Variants in TSC22D2 observed in about 807,000 individuals in gnomAD.
The protein encoded by TSC22D2 is TSC22 domain family protein 2.
A neutral mutation model predicts 50.1 loss-of-function variants in TSC22D2; 5 were observed. The observed-to-expected ratio is 0.10, with a 90% CI of 0.05 to 0.21. The LOEUF (loss-of-function observed/expected upper bound fraction) is 0.21. Among genes scored for constraint, TSC22D2 ranks in the 10% least tolerant of loss-of-function variants. The pLI is 1.00. For missense variants in TSC22D2, 1,003 were observed against 1,015.5 expected (o/e 0.99, Z 0.17); for synonymous variants, 501 against 450.1 (o/e 1.11, Z -1.43).
rs553046765 is a variant in TSC22D2 at position 150,431,761 on chromosome 3, T to A, written c.1958+20453T>A. On this transcript the variant is annotated intron_variant, in intron 1 of 2. Transcript: ENST00000688009. ...GGGGAGGTCTTTTATTGCTCAGAGT[T>A]GGGTGGTGGGTGGCAAGAGTAGGAG... is the stretch of plus-strand genomic sequence containing the variant. 2.2e-4 allele frequency among the ~76,000 whole-genome samples: 33 copies of A among 152,272 alleles called. 1 individual carries two copies. Among genetic ancestry groups the A allele is most frequent in the Middle Eastern group, 3.4e-3 (1 of 294 alleles).
At chr3:150,444,975 ATAT>A (rs1720832307) in intron 1 of TSC22D2, among the ~76,000 whole-genome samples, 1 of 152,154 alleles carries the variant, frequency 6.6e-6, no homozygotes, top group Non-Finnish European at 1.5e-5. Flanking sequence ...GCTTTTAGTA[ATAT>A]TTATTGTTGA....
intron 1 of TSC22D2, among the ~76,000 whole-genome samples, chr3:150,435,690 A>T (rs1720516777): frequency 6.6e-6 from 1 of 152,208 alleles, no homozygotes; most frequent in African/African-American, 2.4e-5. Flanking sequence ...TAAAAAACCA[A>T]GTTCCTTTAG....
chr3:150,423,212 G>A (rs1720072616), intron 1 of TSC22D2: 2 of 892,916 alleles, frequency 2.2e-6, no homozygotes, highest in East Asian at 5.6e-5. Flanking sequence ...ACTGATCTTT[G>A]TTATTTTAGG....
Position 150,461,612 on chromosome 3 carries a change from A to T in TSC22D2, c.*2976A>T, listed in dbSNP as rs1721402382. 6.6e-6 allele frequency: 1 copy of T among 152,214 alleles called. No individual in the cohort carries two copies. Among genetic ancestry groups the T allele is most frequent in the South Asian group, 2.1e-4 (1 of 4,828 alleles). 9.4% of individuals were successfully genotyped at this position (152,214 alleles called of 1,614,324 possible). A position where few individuals can be genotyped will look rare whatever the true frequency, so the allele number is the denominator to read the frequency against. Reference sequence around the variant, plus strand: ...CTCACAGCTTGCCACACCAAAAACAAATAGTAGGGGTTAGGAGGCATTAAA... The same window carrying T: ...CTCACAGCTTGCCACACCAAAAACATATAGTAGGGGTTAGGAGGCATTAAA... On this transcript the variant is annotated 3_prime_UTR_variant, in exon 3 of 3. Transcript: ENST00000688009.
At chr3:150,439,984 A>G (rs566318679) in intron 1 of TSC22D2, among the ~76,000 whole-genome samples, 8 of 152,292 alleles carry the variant, frequency 5.3e-5, no homozygotes, top group African/African-American at 1.4e-4. Context: ...TGTTTTGGCT[A>G]TTGAGTGTCA....
rs34952294 is a variant in TSC22D2, at chr3:150,459,826, TAA to T, written c.*1209_*1210del. 0.087 allele frequency: 11,963 copies of T among 138,096 alleles called. 600 individuals are homozygous for T. The highest frequency in any genetic ancestry group is 0.13 in the African/African-American group (4,724 of 37,624). The allele number at this position is 138,096 out of a possible 1,614,324, so 8.6% of individuals were successfully genotyped here. On this transcript the variant is annotated 3_prime_UTR_variant, in exon 3 of 3. Coordinates refer to ENST00000688009, the MANE Select transcript of TSC22D2 (RefSeq NM_001303264.2). ...GAGCTAGTGTACAATACACTAGTTGTAAAAAAAAAAAAAAAAAAAAGTGAGCC... is the reference window on the plus strand; with the variant it reads ...GAGCTAGTGTACAATACACTAGTTGTAAAAAAAAAAAAAAAAAAGTGAGCC...
At chr3:150,439,802 T>TA (rs1307548030) in intron 1 of TSC22D2, among the ~76,000 whole-genome samples, 4 of 152,224 alleles carry the variant, frequency 2.6e-5, no homozygotes, top group Non-Finnish European at 5.9e-5. Flanking sequence ...AAGAAATTTC[T>TA]AATGAGAACA....
chr3:150,444,271 A>T (rs890903753), intron 1 of TSC22D2, among the ~76,000 whole-genome samples: 15 of 152,210 alleles, frequency 9.9e-5, no homozygotes, highest in African/African-American at 3.6e-4. Flanking sequence ...TCCTGGCATG[A>T]TGAGCTCAAT....
chr3:150,435,069 C>T (rs1203238450), intron 1 of TSC22D2, among the ~76,000 whole-genome samples: 1 of 152,096 alleles, frequency 6.6e-6, no homozygotes, highest in Non-Finnish European at 1.5e-5. Flanking sequence ...CCTCTGCCTC[C>T]CGGGTTCAAG....
At chr3:150,439,673 AT>A (rs199832428) in intron 1 of TSC22D2, among the ~76,000 whole-genome samples, 4 of 151,300 alleles carry the variant, frequency 2.6e-5, no homozygotes, top group Non-Finnish European at 4.4e-5. Flanking sequence ...CATTTGTCAG[AT>A]TTTTTTTTCA....
At chr3:150,425,379 G>A (rs531691163) in intron 1 of TSC22D2, among the ~76,000 whole-genome samples, 13 of 152,208 alleles carry the variant, frequency 8.5e-5, no homozygotes, top group African/African-American at 3.1e-4. Flanking sequence ...ACAAAAATTA[G>A]CTGGGTATGG....
rs923832992 is a variant in TSC22D2 at position 150,459,972 on chromosome 3, GTATT to G, written c.*1339_*1342del. On this transcript the variant is annotated 3_prime_UTR_variant, in exon 3 of 3. Transcript: ENST00000688009. ...GCAGATTAAGTGCAGTGTATACTGAGTATTTAAATTAAAATGTACATTTCATAAA... is the reference window on the plus strand; with the variant it reads ...GCAGATTAAGTGCAGTGTATACTGAGTAAATTAAAATGTACATTTCATAAA... The G allele has an allele frequency of 6.6e-6, 1 of 151,980 alleles. No individual in the cohort carries two copies. The highest frequency in any genetic ancestry group is 6.6e-5 in the Admixed American group (1 of 15,244). 9.4% of individuals were successfully genotyped at this position (151,980 alleles called of 1,614,324 possible).
chr3:150,457,307 T>G (rs559729855), intron 2 of TSC22D2, among the ~76,000 whole-genome samples, 180 bp downstream of exon 2: 1 of 152,286 alleles, frequency 6.6e-6, no homozygotes, highest in East Asian at 1.9e-4. Context: ...CTAGAAATAC[T>G]ATTTAAGTAG....
intron 1 of TSC22D2, among the ~76,000 whole-genome samples, chr3:150,455,220 A>G (rs1026127597): frequency 6.6e-6 from 1 of 152,204 alleles, no homozygotes; most frequent in African/African-American, 2.4e-5. Flanking sequence ...AAATGTGTTC[A>G]GTATTTGTGG....
At chr3:150,413,578 G>A (rs1374420875) in intron 1 of TSC22D2, among the ~76,000 whole-genome samples, 1 of 138,886 alleles carries the variant, frequency 7.2e-6, no homozygotes, top group African/African-American at 2.7e-5. Flanking sequence ...TTTTTTAATA[G>A]AAAGCTTTGG....
In TSC22D2 at chr3:150,463,834, A is replaced by C. The variant is rs1721482853; in HGVS notation, c.*5198A>C. The C allele has an allele frequency of 6.6e-6, 1 of 152,188 alleles. No homozygotes were observed. Among genetic ancestry groups the C allele is most frequent in the East Asian group, 1.9e-4 (1 of 5,202 alleles). 9.4% of individuals were successfully genotyped at this position (152,188 alleles called of 1,614,324 possible). A position where few individuals can be genotyped will look rare whatever the true frequency, so the allele number is the denominator to read the frequency against. On this transcript the variant is annotated 3_prime_UTR_variant, in exon 3 of 3. Coordinates refer to ENST00000688009, the MANE Select transcript of TSC22D2 (RefSeq NM_001303264.2). Reference sequence around the variant, plus strand: ...AGACGCTGGTATTTTGCACTGGCGCAGTCCATTTAGTTGTTGAATTTGTTC... The same window carrying C: ...AGACGCTGGTATTTTGCACTGGCGCCGTCCATTTAGTTGTTGAATTTGTTC...
At chr3:150,436,496 T>C (rs1052656931) in intron 1 of TSC22D2, among the ~76,000 whole-genome samples, 8 of 152,160 alleles carry the variant, frequency 5.3e-5, no homozygotes, top group African/African-American at 1.9e-4. Context: ...TTACTAAATA[T>C]GACTGTATAT....
chr3:150,450,151 C>T (rs984036171), intron 1 of TSC22D2, among the ~76,000 whole-genome samples: 3 of 152,058 alleles, frequency 2.0e-5, no homozygotes, highest in Non-Finnish European at 2.9e-5. Flanking sequence ...CTTTAATCTA[C>T]GCTTTACTGG....
rs1394252107 is a variant in TSC22D2 at position 150,460,141 on chromosome 3, A to G, written c.*1505A>G. The stretch of plus-strand genomic sequence containing the variant: ...GAAATATTTGGCTCTATATGTGTTC[A>G]AAATTTGACTAGATTTGTATTTTCA... On this transcript the variant is annotated 3_prime_UTR_variant, in exon 3 of 3. Coordinates refer to ENST00000688009, the MANE Select transcript of TSC22D2 (RefSeq NM_001303264.2). The G allele has an allele frequency of 6.6e-6, 1 of 152,188 alleles. No individual in the cohort carries two copies. The highest frequency in any genetic ancestry group is 1.5e-5 in the Non-Finnish European group (1 of 68,022). The allele number at this position is 152,188 out of a possible 1,614,324, so 9.4% of individuals were successfully genotyped here. A position where few individuals can be genotyped will look rare whatever the true frequency, so the allele number is the denominator to read the frequency against.
Sources: gnomAD v4.1 joint callset for allele counts (sites outside exome capture counted in the v4.1 genomes callset) on GRCh38, gnomAD v4.1.1 for gene constraint, MANE v1.5 for transcripts, NCBI Gene and HGNC (gene_info 2026-07-23, HGNC 2026-07-21) for gene names.